The following VGLL3 variants were observed in gnomAD, a reference collection of about 807,000 sequenced individuals.
VGLL3 encodes transcription cofactor vestigial-like protein 3.
In VGLL3, 18 loss-of-function variants were observed where a neutral mutation model predicts 29.2. The observed-to-expected ratio is 0.62, with a 90% confidence interval of 0.43 to 0.91. The LOEUF (loss-of-function observed/expected upper bound fraction) is 0.91, where lower values mean the gene tolerates loss of function less well. VGLL3 is among the 40% of genes least tolerant of loss of function. VGLL3 has a pLI of 0.00. For synonymous variants in VGLL3, 180 were observed against 151.8 expected (o/e 1.19, Z -1.36); for missense variants, 440 against 413.2 (o/e 1.06, Z -0.56).
intron 3 of VGLL3, chr3:86,962,231 A>G: frequency 2.0e-6 from 2 of 985,436 alleles, no homozygotes; most frequent in Non-Finnish European, 2.4e-6. Context: ...ATTTCAAGGT[A>G]CCTGTATGTA....
chr3:86,985,987 A>T (rs373277732), intron 1 of VGLL3, among the ~76,000 whole-genome samples: 1 of 151,894 alleles, frequency 6.6e-6, no homozygotes, highest in South Asian at 2.1e-4. Context: ...TTCCCATTGA[A>T]AATTCCCTTT....
chr3:86,953,724 C>T (rs2106971188), intron 3 of VGLL3, among the ~76,000 whole-genome samples: 1 of 152,104 alleles, frequency 6.6e-6, no homozygotes, highest in Non-Finnish European at 1.5e-5. Context: ...TTAACTCTGG[C>T]CACATGTTTA....
Position 86,990,675 on chromosome 3 carries a change from C to T in VGLL3, c.69G>A (p.Met23Ile), listed in dbSNP as rs1489952474. The T allele has an allele frequency of 7.1e-7, 1 of 1,412,288 alleles. No individual in the cohort carries two copies. Among genetic ancestry groups the T allele is most frequent in the Non-Finnish European group, 9.3e-7 (1 of 1,079,766 alleles). The allele number at this position is 1,412,288 out of a possible 1,614,324, so 87.5% of individuals were successfully genotyped here. A position where few individuals can be genotyped will look rare whatever the true frequency, so the allele number is the denominator to read the frequency against. ...YGASQYLPNP[M>I]AATTCPTAYY... The stretch of plus-strand genomic sequence containing the variant: ...AGGCTGTGGGGCAGGTTGTCGCTGC[C>T]ATGGGGTTGGGCAGATACTGGGACG... The change falls in exon 1 of 4, where the codon ATG (methionine) becomes ATA (isoleucine). Residue 23 changes from methionine (M) to isoleucine (I), a missense_variant. Transcript: ENST00000398399.
intron 1 of VGLL3, among the ~76,000 whole-genome samples, chr3:86,982,236 C>G (rs1169431165): frequency 6.6e-6 from 1 of 152,082 alleles, no homozygotes; most frequent in Non-Finnish European, 1.5e-5. Flanking sequence ...CCTCCGCCTC[C>G]CAGGTTCAAG....
chr3:86,967,290 C>T (rs949929895), intron 3 of VGLL3, among the ~76,000 whole-genome samples: 1 of 152,120 alleles, frequency 6.6e-6, no homozygotes, highest in Non-Finnish European at 1.5e-5. Context: ...AAATGACTCC[C>T]AAGTTGTCTT....
intron 3 of VGLL3, among the ~76,000 whole-genome samples, chr3:86,967,036 C>A (rs1704980109): frequency 6.6e-6 from 1 of 151,610 alleles, no homozygotes; most frequent in South Asian, 2.1e-4. Flanking sequence ...GTGAGTGAAT[C>A]AAGCTCACAC....
chr3:86,951,698 C>T (rs1704621248), intron 3 of VGLL3, among the ~76,000 whole-genome samples: 3 of 149,226 alleles, frequency 2.0e-5, no homozygotes, highest in South Asian at 4.3e-4. Context: ...AGAGACTCCC[C>T]CCTCTTTAGT....
In VGLL3 at chr3:86,941,500, G is replaced by C. The variant is rs952735539; in HGVS notation, c.*5524C>G. 7.3e-5 allele frequency: 11 copies of C among 151,694 alleles called. No individual in the cohort carries two copies. Among genetic ancestry groups the C allele is most frequent in the Admixed American group, 7.2e-4 (11 of 15,208 alleles). 9.4% of individuals were successfully genotyped at this position (151,694 alleles called of 1,614,324 possible). ...ATGATTACTTATCCTTTTCTAAAAG[G>C]TGTCTGTTTGCTTATACAATGGAAT... On this transcript the variant is annotated 3_prime_UTR_variant, in exon 4 of 4. Coordinates refer to ENST00000398399, the MANE Select transcript of VGLL3 (RefSeq NM_016206.4).
chr3:86,970,412 G>A (rs556179000), intron 2 of VGLL3, among the ~76,000 whole-genome samples: 32 of 151,872 alleles, frequency 2.1e-4, no homozygotes, highest in Admixed American at 1.9e-3. Flanking sequence ...GACTGAGTGG[G>A]GGCTAGCCCT....
chr3:86,989,348 C>T (rs1186746639), intron 1 of VGLL3, among the ~76,000 whole-genome samples: 1 of 152,254 alleles, frequency 6.6e-6, no homozygotes, highest in East Asian at 1.9e-4. Context: ...AGTAGGGCTC[C>T]TTCCTCTTTT....
intron 3 of VGLL3, among the ~76,000 whole-genome samples, chr3:86,951,507 T>C (rs1054630457): frequency 2.0e-5 from 3 of 152,128 alleles, no homozygotes; most frequent in Non-Finnish European, 2.9e-5. Flanking sequence ...TTTCAACATA[T>C]GAATTTGGGA....
At chr3:86,978,375 C>T (rs914209930) in intron 2 of VGLL3, 151 bp downstream of exon 2, 18 of 879,690 alleles carry the variant, frequency 2.0e-5, no homozygotes, top group Non-Finnish European at 2.6e-5. Context: ...ACCGATCCAG[C>T]TGTTTGTCTG....
intron 1 of VGLL3, among the ~76,000 whole-genome samples, chr3:86,987,618 C>T (rs1276808850): frequency 3.9e-5 from 6 of 152,122 alleles, no homozygotes; most frequent in Admixed American, 1.3e-4. Flanking sequence ...GGTGGGCATG[C>T]GAAACAGGTC....
chr3:86,982,810 A>G (rs1705354591), intron 1 of VGLL3, among the ~76,000 whole-genome samples: 1 of 152,236 alleles, frequency 6.6e-6, no homozygotes, highest in Admixed American at 6.5e-5. Flanking sequence ...TTAAATGCAC[A>G]TTTATGTCTC....
intron 3 of VGLL3, among the ~76,000 whole-genome samples, chr3:86,964,703 C>T (rs1265924283): frequency 6.6e-6 from 1 of 152,200 alleles, no homozygotes; most frequent in Admixed American, 6.5e-5. Context: ...ATCTAGAAAA[C>T]AGGCCCTTAC....
At chr3:86,970,177 T>A (rs1381476671) in intron 2 of VGLL3, among the ~76,000 whole-genome samples, 1 of 152,130 alleles carries the variant, frequency 6.6e-6, no homozygotes, top group Non-Finnish European at 1.5e-5. Flanking sequence ...TAACTCTTCA[T>A]CAGTTCAATT....
rs1209965788 is a variant in VGLL3 at position 86,944,196 on chromosome 3, G to T, written c.*2828C>A. On this transcript the variant is annotated 3_prime_UTR_variant, in exon 4 of 4. Coordinates refer to ENST00000398399, the MANE Select transcript of VGLL3 (RefSeq NM_016206.4). ...TCATTCTCTTTCTATGTATATTTTT[G>T]ATCCACTCCCTGGGTGGCAGTGTAC... is the stretch of plus-strand genomic sequence containing the variant. The T allele has an allele frequency of 6.6e-6, 1 of 152,016 alleles. No individual in the cohort carries two copies. Among genetic ancestry groups the T allele is most frequent in the African/African-American group, 2.4e-5 (1 of 41,380 alleles). 9.4% of individuals were successfully genotyped at this position (152,016 alleles called of 1,614,324 possible). A position where few individuals can be genotyped will look rare whatever the true frequency, so the allele number is the denominator to read the frequency against.
chr3:86,968,564 A>C, intron 3 of VGLL3, 26 bp downstream of exon 3: 1 of 1,583,962 alleles, frequency 6.3e-7, no homozygotes, highest in South Asian at 1.1e-5. Flanking sequence ...ATCTTGTTAT[A>C]GGAAGAAAGA....
Position 86,942,822 on chromosome 3 carries a change from C to A in VGLL3, c.*4202G>T, listed in dbSNP as rs1227699252. The stretch of plus-strand genomic sequence containing the variant: ...TAGTAGGAGAAAAAGATTCTCTTTG[C>A]AGTAATTTCTTACAGAAAAACAATC... On this transcript the variant is annotated 3_prime_UTR_variant, in exon 4 of 4. Transcript: ENST00000398399. 2.0e-5 allele frequency: 3 copies of A among 152,226 alleles called. No individual in the cohort carries two copies. Among genetic ancestry groups the A allele is most frequent in the Non-Finnish European group, 2.9e-5 (2 of 68,004 alleles). The allele number at this position is 152,226 out of a possible 1,614,324, so 9.4% of individuals were successfully genotyped here. A position where few individuals can be genotyped will look rare whatever the true frequency, so the allele number is the denominator to read the frequency against.
Sources: gnomAD v4.1 joint callset for allele counts (sites outside exome capture counted in the v4.1 genomes callset) on GRCh38, gnomAD v4.1.1 for gene constraint, MANE v1.5 for transcripts, NCBI Gene and HGNC (gene_info 2026-07-23, HGNC 2026-07-21) for gene names.